ELOA: variants seen among roughly 807,000 people sequenced by gnomAD.
ELOA encodes elongin A, also known as elongin-A.
Under a neutral mutation model 85.2 loss-of-function variants are expected in ELOA, and 15 were observed. That is an observed-to-expected ratio of 0.18 (90% CI 0.12 to 0.27). The LOEUF is 0.27. Ranked by LOEUF, ELOA falls within the 10% of genes least tolerant of loss-of-function variation. ELOA has a pLI of 1.00. For missense variants in ELOA, 769 were observed against 952.7 expected (o/e 0.81, Z 2.54); for synonymous variants, 348 against 357.2 (o/e 0.97, Z 0.29).
chr1:23,748,494 T>C (rs1236634066), intron 1 of ELOA, among the ~76,000 whole-genome samples: 1 of 152,212 alleles, frequency 6.6e-6, no homozygotes, highest in Non-Finnish European at 1.5e-5. Flanking sequence ...GCTCTGATTC[T>C]GGCAACTTGA....
In ELOA at chr1:23,756,350, T is replaced by C; in HGVS notation, c.2049T>C (p.Phe683=). The C allele has an allele frequency of 6.3e-7, 1 of 1,581,670 alleles. No homozygotes were observed. The highest frequency in any genetic ancestry group is 8.6e-7 in the Non-Finnish European group (1 of 1,163,472). The change falls in exon 9 of 11, where the codon TTT becomes TTC. Residue 683 remains phenylalanine (F), a synonymous_variant. Coordinates refer to ENST00000613537, the MANE Select transcript of ELOA (RefSeq NM_003198.3). ...ACGTCCGGAGGAGGCAGGAAAAGTTTGGAACGGGAGGAGCAGCTGTCCCTG... is the reference window on the plus strand; with the variant it reads ...ACGTCCGGAGGAGGCAGGAAAAGTTCGGAACGGGAGGAGCAGCTGTCCCTG... ...PRDVRRRQEK[F]GTGGAAVPEK...
In ELOA at chr1:23,755,915, G is replaced by A; in HGVS notation, c.1864G>A (p.Glu622Lys). Residue 622 changes from glutamate (E) to lysine (K), a missense_variant, in exon 8 of 11, where the codon GAG (glutamate) becomes AAG (lysine). Glu to Lys is a moderately conservative substitution (Grantham distance 56). Around this residue, in one of 4 missense-constraint regions of ELOA, gnomAD observed 193 missense variants for 278.9 expected, o/e 0.69. Transcript: ENST00000613537. ...AGACTTTAAGGAAGAAAGACCCGAA[G>A]AGTATGAGTCGTGGCGAGAGATGTA... is the stretch of plus-strand genomic sequence containing the variant. ...HRDFKEERPE[E>K]YESWREMYLR... 1 of 1,613,958 alleles carries A rather than the reference G, an allele frequency of 6.2e-7. No individual in the cohort carries two copies. Among genetic ancestry groups the A allele is most frequent in the Non-Finnish European group, 8.5e-7 (1 of 1,179,998 alleles).
At chr1:23,746,954 T>C (rs962237546) in intron 1 of ELOA, among the ~76,000 whole-genome samples, 1 of 152,196 alleles carries the variant, frequency 6.6e-6, no homozygotes, top group Non-Finnish European at 1.5e-5. Flanking sequence ...CTTTTTTCTC[T>C]TGTGTTAGAC....
rs1638278406 is a variant in ELOA at position 23,760,456 on chromosome 1, C to CTAT, written c.*883_*884insTAT. On this transcript the variant is annotated 3_prime_UTR_variant, in exon 11 of 11. Coordinates refer to ENST00000613537, the MANE Select transcript of ELOA (RefSeq NM_003198.3). The stretch of plus-strand genomic sequence containing the variant: ...ACTGCCCTTCCCTATCTTTCCTTCC[C>CTAT]CTCAACACCATGAAGGAAAAACACA... The CTAT allele has an allele frequency of 6.6e-6, 1 of 152,108 alleles. No individual in the cohort carries two copies. The highest frequency in any genetic ancestry group is 1.5e-5 in the Non-Finnish European group (1 of 68,026). The allele number at this position is 152,108 out of a possible 1,614,324, so 9.4% of individuals were successfully genotyped here.
chr1:23,745,519 T>A (rs1644742207), intron 1 of ELOA, among the ~76,000 whole-genome samples: 1 of 152,168 alleles, frequency 6.6e-6, no homozygotes, highest in Non-Finnish European at 1.5e-5. Flanking sequence ...ATGATTTTTT[T>A]TTTTTTTTGA....
In ELOA at chr1:23,743,559, C is replaced by G; in HGVS notation, c.56C>G (p.Ala19Gly). ...GAGAAGCTGCAGGCGCGCCTGGCCG[C>G]GAACCCGGACCCTAAGAAGGTAAGC... The part of the protein sequence containing the change: ...VVEKLQARLA[A>G]NPDPKKLLKY... The change falls in exon 1 of 11, where the codon GCG becomes GGG. Residue 19 changes from alanine (A) to glycine (G), a missense_variant. By Grantham distance (60) the Ala-to-Gly change is moderately conservative. Around this residue, in one of 4 missense-constraint regions of ELOA, gnomAD observed 440 missense variants for 474.0 expected, o/e 0.93. Coordinates refer to ENST00000613537, the MANE Select transcript of ELOA (RefSeq NM_003198.3). 2.0e-6 allele frequency: 3 copies of G among 1,494,764 alleles called. No individual in the cohort carries two copies. In the South Asian group the frequency reaches 3.7e-5, roughly 19 times the overall value. The allele number at this position is 1,494,764 out of a possible 1,614,324, so 92.6% of individuals were successfully genotyped here. A position where few individuals can be genotyped will look rare whatever the true frequency, so the allele number is the denominator to read the frequency against.
intron 3 of ELOA, among the ~76,000 whole-genome samples, 188 bp downstream of exon 3, chr1:23,750,136 C>T (rs1293206563): frequency 6.8e-6 from 1 of 147,456 alleles, no homozygotes; most frequent in Non-Finnish European, 1.5e-5. Context: ...TTCTATCACG[C>T]AAAGACAAAC....
At chr1:23,752,335 G>T in intron 4 of ELOA, 72 bp from the exon 5 acceptor site, 1 of 1,451,472 alleles carries the variant, frequency 6.9e-7, no homozygotes, top group South Asian at 1.2e-5. Context: ...TAATGCTCCC[G>T]GGAATAGACT....
At position 23,751,916 on chromosome 1, in the gene ELOA, A is replaced by G; in HGVS notation, c.1311A>G (p.Lys437=). 6.2e-7 allele frequency: 1 copy of G among 1,613,964 alleles called. No individual in the cohort carries two copies. The highest frequency in any genetic ancestry group is 8.5e-7 in the Non-Finnish European group (1 of 1,180,026). ...SATALGDKGL[K]KNDSKSTGKN... is the part of the protein sequence containing the mutation. ...CGGCACTTGGAGATAAAGGACTTAA[A>G]AAAAATGACTCTAAAAGCACTGGTA... Residue 437 remains lysine, a synonymous_variant, in exon 4 of 11, where the codon AAA becomes AAG. Coordinates refer to ENST00000613537, the MANE Select transcript of ELOA (RefSeq NM_003198.3).
Position 23,761,638 on chromosome 1 carries a change from G to C in ELOA, c.*2065G>C, listed in dbSNP as rs1045017. 6.6e-6 allele frequency: 1 copy of C among 151,984 alleles called. No individual in the cohort carries two copies. The allele number at this position is 151,984 out of a possible 1,614,324, so 9.4% of individuals were successfully genotyped here. On this transcript the variant is annotated 3_prime_UTR_variant, in exon 11 of 11. Transcript: ENST00000613537. The stretch of plus-strand genomic sequence containing the variant: ...TCAGGGATGTGACTTGGTGCGAAGA[G>C]TCAGGGGAAAGAGGAAAAACCCAAT...
chr1:23,746,697 A>T (rs1232873629), intron 1 of ELOA, among the ~76,000 whole-genome samples: 1 of 151,656 alleles, frequency 6.6e-6, no homozygotes, highest in Non-Finnish European at 1.5e-5. Flanking sequence ...GGCAGGTGAC[A>T]TTAAAAATAT....
intron 1 of ELOA, chr1:23,744,406 C>T (rs1339688831): frequency 1.1e-4 from 16 of 151,374 alleles, no homozygotes; most frequent in Non-Finnish European, 1.6e-4. Context: ...TTCTGTCACT[C>T]ACTTCTCTGG....
At chr1:23,748,964 CAG>C in intron 1 of ELOA, 55 bp from the exon 2 acceptor site, 2 of 1,423,152 alleles carry the variant, frequency 1.4e-6, no homozygotes, top group Non-Finnish European at 9.9e-7. Context: ...ACTTAATAAT[CAG>C]ATATTCTTGT....
chr1:23,755,613 C>G (rs528613667), intron 7 of ELOA, among the ~76,000 whole-genome samples: 1 of 152,116 alleles, frequency 6.6e-6, no homozygotes, highest in East Asian at 1.9e-4. Flanking sequence ...AAAACCCCAT[C>G]TCTACTGAAA....
Position 23,751,709 on chromosome 1 carries a change from C to T in ELOA, c.1104C>T (p.Asn368=), listed in dbSNP as rs745590102. 1.9e-6 allele frequency: 3 copies of T among 1,614,074 alleles called. No individual in the cohort carries two copies. In the South Asian group the frequency reaches 3.3e-5, roughly 18 times the overall value. Residue 368 remains asparagine (N), a synonymous_variant, in exon 4 of 11, where the codon AAC becomes AAT. Coordinates refer to ENST00000613537, the MANE Select transcript of ELOA (RefSeq NM_003198.3). ...LPKVKEKGSN[N]LKTPEGKVKT... is the part of the protein sequence containing the mutation. ...AGGTAAAAGAGAAGGGTTCTAACAA[C>T]CTAAAGACTCCAGAAGGGAAAGTCA...
intron 10 of ELOA, among the ~76,000 whole-genome samples, chr1:23,758,281 T>A (rs1638237784): frequency 1.8e-5 from 2 of 112,318 alleles, no homozygotes; most frequent in Admixed American, 1.8e-4. Context: ...TTTTTTTTTT[T>A]TTTTTTTTTG....
At chr1:23,746,898 T>G (rs894823955) in intron 1 of ELOA, among the ~76,000 whole-genome samples, 1 of 152,232 alleles carries the variant, frequency 6.6e-6, no homozygotes, top group Non-Finnish European at 1.5e-5. Flanking sequence ...TTGTTATTGC[T>G]TTGTTCTTTC....
intron 9 of ELOA, 126 bp from the exon 10 acceptor site, chr1:23,756,827 T>G: frequency 1.1e-6 from 1 of 898,408 alleles, no homozygotes; most frequent in South Asian, 2.5e-5. Context: ...GAATCCAGGG[T>G]GATAGGGTCC....
chr1:23,760,249 T>A lies in ELOA; in HGVS notation c.*676T>A, dbSNP rs1167750526. On this transcript the variant is annotated 3_prime_UTR_variant, in exon 11 of 11. Transcript: ENST00000613537. ...ACTAACTGGTATTTATTAAGGGAGGTGCTCTGTAGGTCTGGAGCCTTTCCC... is the reference window on the plus strand; with the variant it reads ...ACTAACTGGTATTTATTAAGGGAGGAGCTCTGTAGGTCTGGAGCCTTTCCC... 6.6e-6 allele frequency: 1 copy of A among 151,994 alleles called. No homozygotes were observed. Among genetic ancestry groups the A allele is most frequent in the Non-Finnish European group, 1.5e-5 (1 of 68,030 alleles). The allele number at this position is 151,994 out of a possible 1,614,324, so 9.4% of individuals were successfully genotyped here.
Sources: gnomAD v4.1 joint callset for allele counts (sites outside exome capture counted in the v4.1 genomes callset) on GRCh38, gnomAD v4.1.1 for gene constraint, gnomAD v4.1.1 regional missense constraint, MANE v1.5 for transcripts, NCBI Gene and HGNC (gene_info 2026-07-23, HGNC 2026-07-21) for gene names.